Variants in PABPC4 observed in about 807,000 individuals in gnomAD.
PABPC4 encodes poly(A) binding protein cytoplasmic 4.
A neutral mutation model predicts 74.5 loss-of-function variants in PABPC4; 15 were observed. The observed-to-expected ratio is 0.20, with a 90% CI of 0.13 to 0.31. PABPC4 has a LOEUF of 0.31. Ranked by LOEUF, PABPC4 falls within the 10% of genes least tolerant of loss-of-function variation. The pLI is 1.00. For missense variants in PABPC4, 610 were observed against 853.5 expected (o/e 0.71, Z 3.55); for synonymous variants, 345 against 303.0 (o/e 1.14, Z -1.44).
chr1:39,569,386 C>G, intron 5 of PABPC4: 1 of 585,190 alleles, frequency 1.7e-6, no homozygotes. Flanking sequence ...CAACTGATAG[C>G]TGAGGTGACA....
chr1:39,566,265 G>A (rs1645839711), intron 7 of PABPC4, among the ~76,000 whole-genome samples: 1 of 152,092 alleles, frequency 6.6e-6, no homozygotes, highest in Non-Finnish European at 1.5e-5. Context: ...ACTCTAACAA[G>A]CTCTTACCAA....
intron 2 of PABPC4, chr1:39,571,658 G>T (rs1396281405): frequency 2.0e-6 from 1 of 508,186 alleles, no homozygotes; most frequent in South Asian, 1.6e-5. Flanking sequence ...GGAGGCCAAA[G>T]CAGGAGGATC....
chr1:39,561,929 T>C, intron 14 of PABPC4, 142 bp from the exon 15 acceptor site: 1 of 1,163,532 alleles, frequency 8.6e-7, no homozygotes, highest in Non-Finnish European at 1.2e-6. Flanking sequence ...AAATACCCAC[T>C]GCAGCCTCCA....
chr1:39,571,697 A>C, intron 2 of PABPC4: 2 of 462,230 alleles, frequency 4.3e-6, no homozygotes, highest in Non-Finnish European at 8.5e-6. Context: ...GACAATGGAG[A>C]CCCTGTCTCT....
intron 1 of PABPC4, among the ~76,000 whole-genome samples, chr1:39,573,733 T>G (rs1237525710): frequency 6.6e-6 from 1 of 152,126 alleles, no homozygotes; most frequent in Non-Finnish European, 1.5e-5. Flanking sequence ...GCAGGAAAAT[T>G]GTTTGGACCC....
Position 39,576,061 on chromosome 1 carries a change from G to T in PABPC4, c.-110C>A. The stretch of plus-strand genomic sequence containing the variant: ...GGGCCCGCGCCGCGGCTCACAGGTG[G>T]CACCGGCGCGGCGAGGACGAGCTGG... On this transcript the variant is annotated 5_prime_UTR_variant, in exon 1 of 16. Coordinates refer to ENST00000372858, the MANE Select transcript of PABPC4 (RefSeq NM_001135653.2). The T allele has an allele frequency of 1.4e-6, 1 of 734,510 alleles. No homozygotes were observed. Among genetic ancestry groups the T allele is most frequent in the Non-Finnish European group, 2.1e-6 (1 of 486,774 alleles). The allele number at this position is 734,510 out of a possible 1,614,324, so 45.5% of individuals were successfully genotyped here.
intron 7 of PABPC4, among the ~76,000 whole-genome samples, chr1:39,565,755 G>A (rs776294999): frequency 2.6e-5 from 4 of 152,092 alleles, no homozygotes; most frequent in Admixed American, 6.5e-5. Flanking sequence ...TTCAACCCGG[G>A]AGACAGAGAT....
rs1646022245 is a variant in PABPC4, at chr1:39,576,092, G to C, written c.-141C>G. The C allele has an allele frequency of 1.7e-6, 1 of 577,242 alleles. No individual in the cohort carries two copies. The highest frequency in any genetic ancestry group is 2.3e-5 in the South Asian group (1 of 42,622). 35.8% of individuals were successfully genotyped at this position (577,242 alleles called of 1,614,324 possible). On this transcript the variant is annotated 5_prime_UTR_variant, in exon 1 of 16. Transcript: ENST00000372858. ...GCGCGGCGAGGACGAGCTGGAGTCG[G>C]CGGGCTTGGAGACGGGACGGAAACG...
rs1336540901 is a variant in PABPC4, at chr1:39,575,992, T to A, written c.-41A>T. 7.4e-7 allele frequency: 1 copy of A among 1,356,778 alleles called. No homozygotes were observed. Among genetic ancestry groups the A allele is most frequent in the East Asian group, 2.9e-5 (1 of 34,352 alleles). The allele number at this position is 1,356,778 out of a possible 1,614,324, so 84.0% of individuals were successfully genotyped here. On this transcript the variant is annotated 5_prime_UTR_variant, in exon 1 of 16. Transcript: ENST00000372858. ...CACCCCGAGCCCCGCCAGGAGGACT[T>A]CTTATCGGGCCCGCCGCAGGACAAA...
rs758454504 is a variant in PABPC4, at chr1:39,564,795, A to G, written c.1246-22T>C. ...GAGCCTGTAAGACAGAAGAATACCC[A>G]AACACCCCCTTAAGGACTGAACCCA... On this transcript the variant is annotated intron_variant, in intron 8 of 15. Coordinates refer to ENST00000372858, the MANE Select transcript of PABPC4 (RefSeq NM_001135653.2). 1.2e-5 allele frequency: 19 copies of G among 1,578,098 alleles called. No individual in the cohort carries two copies. The South Asian group carries it at 2.1e-4, about 17-fold the overall frequency.
intron 5 of PABPC4, 123 bp downstream of exon 5, chr1:39,569,472 G>A (rs896840387): frequency 1.4e-6 from 1 of 722,148 alleles, no homozygotes; most frequent in African/African-American, 1.8e-5. Context: ...CCAGAGTATA[G>A]TAATGGTACA....
chr1:39,567,715 A>G (rs2124453373), intron 7 of PABPC4, 36 bp downstream of exon 7: 3 of 987,598 alleles, frequency 3.0e-6, no homozygotes, highest in Middle Eastern at 2.1e-4. Context: ...ATAATGGAAT[A>G]CCACTGCTTT....
rs369936722 is a variant in PABPC4 at position 39,570,007 on chromosome 1, AAT to A, written c.504-7_504-6del. The A allele has an allele frequency of 3.0e-3, 4,912 of 1,613,348 alleles. 35 individuals carry two copies. The highest frequency in any genetic ancestry group is 0.01 in the South Asian group (925 of 91,058). ...GACTTGAATCTGCCCACAAATCTAA[AAT>A]GAAACCATGAAGAACAGTAATTACC... is the stretch of plus-strand genomic sequence containing the variant. On this transcript the variant is annotated splice_region_variant and splice_polypyrimidine_tract_variant and intron_variant, in intron 3 of 15. Transcript: ENST00000372858.
intron 3 of PABPC4, chr1:39,570,970 T>G (rs1645931243): frequency 9.0e-7 from 1 of 1,114,976 alleles, no homozygotes; most frequent in Admixed American, 3.2e-5. Flanking sequence ...CAGCCCCAGT[T>G]GTTGATGCTC....
chr1:39,569,623 C>A lies in PABPC4; in HGVS notation c.710G>T (p.Ser237Ile), dbSNP rs776574832. The change falls in exon 5 of 16, where the codon AGT becomes ATT. Residue 237 changes from serine (S) to isoleucine (I), a missense_variant. Physicochemically the swap from Ser to Ile is moderately radical, Grantham distance 142. Around this residue, in one of 4 missense-constraint regions of PABPC4, gnomAD observed 304 missense variants for 478.9 expected, o/e 0.63. Coordinates refer to ENST00000372858, the MANE Select transcript of PABPC4 (RefSeq NM_001135653.2). ...ATTGGCATCCTCGTGTTTTTCGTAA[C>A]TCACAAAGCCAAAGCCTTTGGATTT... ...NGKSKGFGFVSYEKHEDANKA... is the reference protein window; with the variant it reads ...NGKSKGFGFVIYEKHEDANKA... 6.2e-7 allele frequency: 1 copy of A among 1,614,108 alleles called. No homozygotes were observed. The highest frequency in any genetic ancestry group is 2.2e-5 in the East Asian group (1 of 44,892).
rs373735786 is a variant in PABPC4 at position 39,572,317 on chromosome 1, A to G, written c.387+76T>C. On this transcript the variant is annotated intron_variant, in intron 2 of 15. Transcript: ENST00000372858. ...ATATCTTGTTCCCCAATTCCAAGAT[A>G]GTTCTCTGTTTGGTATTTATCTTGT... 5 of 1,117,094 alleles carry G rather than the reference A, an allele frequency of 4.5e-6. No individual in the cohort carries two copies. In the East Asian group the frequency reaches 9.5e-5, roughly 21 times the overall value. The allele number at this position is 1,117,094 out of a possible 1,614,324, so 69.2% of individuals were successfully genotyped here.
In PABPC4 at chr1:39,563,932, A is replaced by G; in HGVS notation, c.1454-10T>C. 6.2e-7 allele frequency: 1 copy of G among 1,613,398 alleles called. No homozygotes were observed. The highest frequency in any genetic ancestry group is 8.5e-7 in the Non-Finnish European group (1 of 1,179,496). On this transcript the variant is annotated splice_polypyrimidine_tract_variant and intron_variant, in intron 10 of 15. Transcript: ENST00000372858. Reference sequence around the variant, plus strand: ...TCCGGGCACTCAGACCCTACAACAGACCAGCAAATGCACATCAGTGTTGGC... The same window carrying G: ...TCCGGGCACTCAGACCCTACAACAGGCCAGCAAATGCACATCAGTGTTGGC...
chr1:39,575,228 C>A (rs1365390692), intron 1 of PABPC4, among the ~76,000 whole-genome samples: 1 of 152,202 alleles, frequency 6.6e-6, no homozygotes, highest in Admixed American at 6.5e-5. Context: ...TAAGTCTCTG[C>A]GAAAGTTTAA....
Position 39,568,941 on chromosome 1 carries a change from TAG to T in PABPC4, c.739-4_739-3del, listed in dbSNP as rs770332897. 1.2e-6 allele frequency: 2 copies of T among 1,607,452 alleles called. No homozygotes were observed. The highest frequency in any genetic ancestry group is 2.2e-5 in the South Asian group (2 of 89,504). On this transcript the variant is annotated splice_region_variant and splice_polypyrimidine_tract_variant and intron_variant, in intron 5 of 15. Transcript: ENST00000372858. The stretch of plus-strand genomic sequence containing the variant: ...TTTTCCATTCATCTCTTCCACAGCC[TAG>T]AGAGGAAAAATATGTCTTTAAAATA...
Sources: gnomAD v4.1 joint callset for allele counts (sites outside exome capture counted in the v4.1 genomes callset) on GRCh38, gnomAD v4.1.1 for gene constraint, gnomAD v4.1.1 regional missense constraint, MANE v1.5 for transcripts, NCBI Gene and HGNC (gene_info 2026-07-23, HGNC 2026-07-21) for gene names.